The following ERFL variants were observed in gnomAD, a reference collection of about 807,000 sequenced individuals.
ERFL encodes the protein ETS repressor factor like, also known as ETS domain-containing transcription factor ERF-like.
ERFL carries 8 observed loss-of-function variants against 27.9 expected under a neutral mutation model. The ratio of observed to expected loss-of-function variants is 0.29; its 90% confidence interval spans 0.17 to 0.52. The LOEUF (loss-of-function observed/expected upper bound fraction) is 0.52, where lower values mean the gene tolerates loss of function less well. Among genes scored for constraint, ERFL ranks in the 20% least tolerant of loss-of-function variants. The pLI is 0.97. For synonymous variants in ERFL, 174 were observed against 202.8 expected, an observed-to-expected ratio of 0.86 and a Z score of 1.21; for missense variants, 294 against 444.4, an observed-to-expected ratio of 0.66 and a Z score of 3.04.
rs1357938054 is a variant in ERFL at position 41,909,342 on chromosome 19, TG to T, written c.431del (p.Pro144HisfsTer4). The T allele has an allele frequency of 8.1e-7, 1 of 1,235,006 alleles. No homozygotes were observed. Among genetic ancestry groups the T allele is most frequent in the Non-Finnish European group, 1.0e-6 (1 of 989,216 alleles). 76.5% of individuals were successfully genotyped at this position (1,235,006 alleles called of 1,614,324 possible). On this transcript the variant is annotated frameshift_variant, in exon 4 of 6. Coordinates refer to ENST00000597630, the MANE Select transcript of ERFL (RefSeq NM_001365103.2). LOFTEE classifies it high-confidence loss of function. The surrounding 1 kb of genome is among the most constrained non-coding windows in gnomAD (Gnocchi z 5.2). ...LDMAAAATGS[P>X]LLLTPSPFGG... ...CAAAGGGACTGGGGGTCAGCAAGAG[TG>T]GGGAGCCAGTGGCAGCTGCCGCCAT...
chr19:41,917,411 G>A lies in ERFL; in HGVS notation c.-13-4479C>T, dbSNP rs1599676754. ...TGTTTTGATTTCTCTAAGCTGCGCC[G>A]GCCGCCTCGGGAGCCGCCTCGGGCC... On this transcript the variant is annotated intron_variant, in intron 1 of 5. Transcript: ENST00000597630. The surrounding 1 kb of genome is among the most constrained non-coding windows in gnomAD (Gnocchi z 4.8). 6.6e-6 allele frequency among the ~76,000 whole-genome samples: 1 copy of A among 151,776 alleles called. No homozygotes were observed. Among genetic ancestry groups the A allele is most frequent in the Non-Finnish European group, 1.5e-5 (1 of 67,946 alleles).
Position 41,916,943 on chromosome 19 carries a change from C to T in ERFL, c.-13-4011G>A, listed in dbSNP as rs1555852009. On this transcript the variant is annotated intron_variant, in intron 1 of 5. Coordinates refer to ENST00000597630, the MANE Select transcript of ERFL (RefSeq NM_001365103.2). The surrounding 1 kb of genome is among the most constrained non-coding windows in gnomAD (Gnocchi z 5.4). ...CAACCCAAGGCCCCTGCCACTCCTGCTCCCACCATCCCCATCTGTCTGCCT... is the reference window on the plus strand; with the variant it reads ...CAACCCAAGGCCCCTGCCACTCCTGTTCCCACCATCCCCATCTGTCTGCCT... Among the ~76,000 whole-genome samples the T allele has an allele frequency of 6.6e-6, 1 of 152,206 alleles. No homozygotes were observed. Among genetic ancestry groups the T allele is most frequent in the Non-Finnish European group, 1.5e-5 (1 of 68,032 alleles).
At chr19:41,915,619 A>ATCTCTGTCTCATCTG (rs1254528229) in intron 1 of ERFL, among the ~76,000 whole-genome samples, 1 of 146,802 alleles carries the variant, frequency 6.8e-6, no homozygotes, top group Non-Finnish European at 1.5e-5. Flanking sequence ...CATGTCCCCC[A>ATCTCTGTCTCATCTG]TCTCTGTCTC....
rs547606734 is a variant in ERFL, at chr19:41,922,767, G to A, written c.-14+5273C>T. Among the ~76,000 whole-genome samples the A allele has an allele frequency of 5.3e-5, 8 of 152,314 alleles. No homozygotes were observed. The South Asian group carries it at 1.2e-3, about 24-fold the overall frequency. Reference sequence around the variant, plus strand: ...ACTCAGGGCTCCAGGGGCATCAGGCGCGGTGCTAATTCAGCGCCATCGATC... The same window carrying A: ...ACTCAGGGCTCCAGGGGCATCAGGCACGGTGCTAATTCAGCGCCATCGATC... On this transcript the variant is annotated intron_variant, in intron 1 of 5. Coordinates refer to ENST00000597630, the MANE Select transcript of ERFL (RefSeq NM_001365103.2).
Position 41,916,417 on chromosome 19 carries a change from TCA to T in ERFL, c.-13-3487_-13-3486del, listed in dbSNP as rs137911544. Among the ~76,000 whole-genome samples the T allele has an allele frequency of 7.3e-5, 11 of 151,202 alleles. No individual in the cohort carries two copies. The highest frequency in any genetic ancestry group is 2.6e-4 in the Admixed American group (4 of 15,204). ...AAGTCACACACCAACACTGTCACAG[TCA>T]CACACACACACATCAGCATAGTCAC... On this transcript the variant is annotated intron_variant, in intron 1 of 5. Transcript: ENST00000597630. The surrounding 1 kb of genome is among the most constrained non-coding windows in gnomAD (Gnocchi z 5.4).
rs1555851973 is a variant in ERFL at position 41,916,728 on chromosome 19, TAC to T, written c.-13-3798_-13-3797del. 1.3e-5 allele frequency among the ~76,000 whole-genome samples: 2 copies of T among 150,786 alleles called. No individual in the cohort carries two copies. The highest frequency in any genetic ancestry group is 4.0e-4 in the East Asian group (2 of 5,054). ...TTGGTCACGCATGGAGCCGTAGAGA[TAC>T]ACACACCAGCACCAACCCAGACAGC... On this transcript the variant is annotated intron_variant, in intron 1 of 5. Coordinates refer to ENST00000597630, the MANE Select transcript of ERFL (RefSeq NM_001365103.2). The surrounding 1 kb of genome is among the most constrained non-coding windows in gnomAD (Gnocchi z 5.4).
In ERFL at chr19:41,928,044, TG is replaced by T. The variant is rs1258659392; in HGVS notation, c.-19del. Reference sequence around the variant, plus strand: ...CCGGCCGCGGCGCTCACTCACTTTCTGGGCTTTTCGCATCCGCTCCGGTCCG... The same window carrying T: ...CCGGCCGCGGCGCTCACTCACTTTCTGGCTTTTCGCATCCGCTCCGGTCCG... On this transcript the variant is annotated 5_prime_UTR_variant, in exon 1 of 6. Transcript: ENST00000597630. 1.3e-5 allele frequency: 2 copies of T among 152,066 alleles called. No individual in the cohort carries two copies. The highest frequency in any genetic ancestry group is 2.9e-5 in the Non-Finnish European group (2 of 68,034). 9.4% of individuals were successfully genotyped at this position (152,066 alleles called of 1,614,324 possible). A position where few individuals can be genotyped will look rare whatever the true frequency, so the allele number is the denominator to read the frequency against.
intron 1 of ERFL, among the ~76,000 whole-genome samples, chr19:41,914,446 C>G (rs1479974711): frequency 1.3e-5 from 2 of 151,910 alleles, no homozygotes; most frequent in Non-Finnish European, 2.9e-5. Flanking sequence ...CCCTGTTTCT[C>G]CATCTCTCAC....
At chr19:41,915,957 G>C (rs942351566) in intron 1 of ERFL, among the ~76,000 whole-genome samples, 1 of 151,474 alleles carries the variant, frequency 6.6e-6, no homozygotes, top group African/African-American at 2.4e-5. Flanking sequence ...GCCGGCCGGC[G>C]TGGTGCGGAT....
chr19:41,926,728 CG>C (rs1245665402), intron 1 of ERFL, among the ~76,000 whole-genome samples: 4 of 145,878 alleles, frequency 2.7e-5, no homozygotes, highest in Non-Finnish European at 6.0e-5. Flanking sequence ...GGGGAGCGGG[CG>C]GGGGGGCCGT....
At position 41,917,586 on chromosome 19, in the gene ERFL, G is replaced by A. The variant is rs1022500734; in HGVS notation, c.-13-4654C>T. 2.0e-4 allele frequency among the ~76,000 whole-genome samples: 30 copies of A among 151,290 alleles called. No individual in the cohort carries two copies. The highest frequency in any genetic ancestry group is 2.7e-4 in the African/African-American group (11 of 41,048). The stretch of plus-strand genomic sequence containing the variant: ...GGCTCTGTCTAAAGAGGAGAGAGAC[G>A]CGGCCTAAGACCCTTCTGCCACCGC... On this transcript the variant is annotated intron_variant, in intron 1 of 5. Coordinates refer to ENST00000597630, the MANE Select transcript of ERFL (RefSeq NM_001365103.2). The surrounding 1 kb of genome is among the most constrained non-coding windows in gnomAD (Gnocchi z 4.8).
chr19:41,919,713 G>T (rs1555852254), intron 1 of ERFL, among the ~76,000 whole-genome samples: 2 of 152,096 alleles, frequency 1.3e-5, no homozygotes, highest in Non-Finnish European at 2.9e-5. Flanking sequence ...AGCTGCCGGG[G>T]TCCTCTCAGG....
Position 41,917,114 on chromosome 19 carries a change from G to A in ERFL, c.-13-4182C>T, listed in dbSNP as rs1015295827. 2.0e-5 allele frequency among the ~76,000 whole-genome samples: 3 copies of A among 152,062 alleles called. No homozygotes were observed. Among genetic ancestry groups the A allele is most frequent in the African/African-American group, 2.4e-5 (1 of 41,390 alleles). Reference sequence around the variant, plus strand: ...TCTCTCGGTCTCTCTCAGCCCCTTCGGGTGTCGGCGCATCTTTCTGTCTGT... The same window carrying A: ...TCTCTCGGTCTCTCTCAGCCCCTTCAGGTGTCGGCGCATCTTTCTGTCTGT... On this transcript the variant is annotated intron_variant, in intron 1 of 5. Coordinates refer to ENST00000597630, the MANE Select transcript of ERFL (RefSeq NM_001365103.2). The surrounding 1 kb of genome is among the most constrained non-coding windows in gnomAD (Gnocchi z 4.8).
At chr19:41,913,392 G>A (rs1296636966) in intron 1 of ERFL, among the ~76,000 whole-genome samples, 1 of 151,762 alleles carries the variant, frequency 6.6e-6, no homozygotes, top group African/African-American at 2.4e-5. Context: ...TCTCTCTCTG[G>A]CTGCCCCAGA....
rs908702242 is a variant in ERFL at position 41,921,971 on chromosome 19, C to T, written c.-14+6069G>A. Among the ~76,000 whole-genome samples, 1 of 151,884 alleles carries T rather than the reference C, an allele frequency of 6.6e-6. No homozygotes were observed. The highest frequency in any genetic ancestry group is 1.5e-5 in the Non-Finnish European group (1 of 67,970). ...CCTGGTCCTCATCCCCAACTCCCAC[C>T]CCTTCCCCACCCTTGCCTTCATTCT... On this transcript the variant is annotated intron_variant, in intron 1 of 5. Coordinates refer to ENST00000597630, the MANE Select transcript of ERFL (RefSeq NM_001365103.2). The surrounding 1 kb of genome is among the most constrained non-coding windows in gnomAD (Gnocchi z 4.4).
intron 1 of ERFL, among the ~76,000 whole-genome samples, chr19:41,913,488 C>T (rs941682098): frequency 6.6e-6 from 1 of 151,754 alleles, no homozygotes; most frequent in African/African-American, 2.4e-5. Flanking sequence ...GCAGCCCTGA[C>T]CCGCAGCCGC....
In ERFL at chr19:41,909,919, C is replaced by G; in HGVS notation, c.246G>C (p.Trp82Cys). 1 of 1,613,782 alleles carries G rather than the reference C, an allele frequency of 6.2e-7. No individual in the cohort carries two copies. The highest frequency in any genetic ancestry group is 8.5e-7 in the Non-Finnish European group (1 of 1,179,888). Reference sequence around the variant, plus strand: ...TGTGGGGCTTGCATTTGCGAATACCCCACAGCCGGGCCACCTCATCGGGGT... The same window carrying G: ...TGTGGGGCTTGCATTTGCGAATACCGCACAGCCGGGCCACCTCATCGGGGT... ...IKDPDEVARL[W>C]GIRKCKPHMN... Residue 82 changes from tryptophan (W) to cysteine (C), a missense_variant, in exon 3 of 6, where the codon TGG becomes TGC. Coordinates refer to ENST00000597630, the MANE Select transcript of ERFL (RefSeq NM_001365103.2). This position sits in a 1 kb window ranked among gnomAD's most constrained non-coding sequence, Gnocchi z 5.2.
chr19:41,910,946 C>G lies in ERFL; in HGVS notation c.68-849G>C, dbSNP rs2074748204. ...CCCATCACAACACAGAATTACACAT[C>G]TCAAGACTGGGACTTACTAACAACA... On this transcript the variant is annotated intron_variant, in intron 2 of 5. Transcript: ENST00000597630. This position sits in a 1 kb window ranked among gnomAD's most constrained non-coding sequence, Gnocchi z 4.4. Among the ~76,000 whole-genome samples, 1 of 152,194 alleles carries G rather than the reference C, an allele frequency of 6.6e-6. No homozygotes were observed.
chr19:41,925,651 G>T (rs1421610032), intron 1 of ERFL, among the ~76,000 whole-genome samples: 1 of 152,146 alleles, frequency 6.6e-6, no homozygotes, highest in Non-Finnish European at 1.5e-5. Context: ...TTAGGACACA[G>T]GTGGGGAAGG....
Sources: allele counts gnomAD v4.1 joint callset (sites outside exome capture counted in the v4.1 genomes callset), GRCh38; gene constraint gnomAD v4.1.1; non-coding constraint Gnocchi (gnomAD v3.1); transcripts MANE v1.5; gene names NCBI Gene and HGNC (gene_info 2026-07-23, HGNC 2026-07-21).